AGFG2: variants seen among roughly 807,000 people sequenced by gnomAD.
The protein encoded by AGFG2 is ArfGAP with FG repeats 2, also known as arf-GAP domain and FG repeat-containing protein 2.
A neutral mutation model predicts 48.0 loss-of-function variants in AGFG2; 31 were observed. The ratio of observed to expected loss-of-function variants is 0.65; its 90% confidence interval spans 0.49 to 0.87. AGFG2 has a LOEUF of 0.87. Among genes scored for constraint, AGFG2 ranks in the 40% least tolerant of loss-of-function variants. The probability of loss-of-function intolerance (pLI) is 0.00; values close to 1 mark genes in which losing one functional copy is unlikely to be tolerated. For missense variants in AGFG2, 599 were observed against 632.6 expected (o/e 0.95, Z 0.57); for synonymous variants, 229 against 260.8 (o/e 0.88, Z 1.18).
intron 6 of AGFG2, chr7:100,556,639 C>A: frequency 7.8e-7 from 1 of 1,288,950 alleles, no homozygotes; most frequent in Non-Finnish European, 1.0e-6. Flanking sequence ...AAGTTATTAT[C>A]CCCACCCCAG....
intron 3 of AGFG2, among the ~76,000 whole-genome samples, chr7:100,550,750 G>A (rs1347465766): frequency 6.6e-6 from 1 of 152,002 alleles, no homozygotes; most frequent in Non-Finnish European, 1.5e-5. Flanking sequence ...GATTGGAGTC[G>A]GGAGGTAGGC....
intron 1 of AGFG2, among the ~76,000 whole-genome samples, chr7:100,541,532 G>A (rs1217544010): frequency 3.3e-5 from 5 of 152,088 alleles, no homozygotes; most frequent in Admixed American, 3.3e-4. Context: ...AGGCCAAGGT[G>A]AGCAGATCAC....
In AGFG2 at chr7:100,539,245, C is replaced by T. The variant is rs1031856640; in HGVS notation, c.-102C>T. On this transcript the variant is annotated 5_prime_UTR_variant, in exon 1 of 12. Transcript: ENST00000300176. ...CCTGCGGATGCCGCCCGCTCCCGAG[C>T]TTCTGTCAGGGGAGCCGGGCGTGCG... is the stretch of plus-strand genomic sequence containing the variant. 2.5e-6 allele frequency: 3 copies of T among 1,178,842 alleles called. No homozygotes were observed. The highest frequency in any genetic ancestry group is 3.2e-6 in the Non-Finnish European group (3 of 927,614). The allele number at this position is 1,178,842 out of a possible 1,614,324, so 73.0% of individuals were successfully genotyped here.
chr7:100,544,581 C>A (rs1211908578), intron 1 of AGFG2, among the ~76,000 whole-genome samples: 2 of 152,122 alleles, frequency 1.3e-5, no homozygotes, highest in Non-Finnish European at 2.9e-5. Context: ...CCTCTGTCAC[C>A]TTTCATGTTG....
Position 100,565,059 on chromosome 7 carries a change from C to T in AGFG2, c.*68C>T. 1 of 1,528,866 alleles carries T rather than the reference C, an allele frequency of 6.5e-7. No homozygotes were observed. 94.7% of individuals were successfully genotyped at this position (1,528,866 alleles called of 1,614,324 possible). A position where few individuals can be genotyped will look rare whatever the true frequency, so the allele number is the denominator to read the frequency against. ...CTCTGCTCCCTAGAGCTCTGGTGACCACTTGCCTGTGGGCATTTCTATGGG... is the reference window on the plus strand; with the variant it reads ...CTCTGCTCCCTAGAGCTCTGGTGACTACTTGCCTGTGGGCATTTCTATGGG... On this transcript the variant is annotated 3_prime_UTR_variant, in exon 12 of 12. Transcript: ENST00000300176.
At chr7:100,540,160 T>A (rs1188443703) in intron 1 of AGFG2, among the ~76,000 whole-genome samples, 1 of 150,176 alleles carries the variant, frequency 6.7e-6, no homozygotes, top group African/African-American at 2.5e-5. Context: ...ATTGACAGCC[T>A]AGAGATAGTG....
chr7:100,556,216 G>C, intron 6 of AGFG2: 2 of 193,084 alleles, frequency 1.0e-5, no homozygotes, highest in Admixed American at 5.5e-5. Context: ...TTGGGAGGCC[G>C]AGGTGGGAGG....
chr7:100,543,694 T>C (rs946352449), intron 1 of AGFG2, among the ~76,000 whole-genome samples: 4 of 152,230 alleles, frequency 2.6e-5, no homozygotes, highest in Non-Finnish European at 5.9e-5. Flanking sequence ...CATCCCTGCA[T>C]GTATGAACTC....
intron 1 of AGFG2, among the ~76,000 whole-genome samples, chr7:100,541,010 CAAAAA>C (rs11353093): frequency 1.3e-5 from 1 of 75,562 alleles, no homozygotes. Context: ...GACACTGTCT[CAAAAA>C]AAAAAAAAAA....
At chr7:100,561,819 C>T (rs1166386063) in intron 6 of AGFG2, among the ~76,000 whole-genome samples, 1 of 152,184 alleles carries the variant, frequency 6.6e-6, no homozygotes, top group Admixed American at 6.5e-5. Context: ...CCAGGAGCCT[C>T]CTGAGTGTGA....
intron 6 of AGFG2, among the ~76,000 whole-genome samples, chr7:100,561,009 C>T (rs1283628023): frequency 1.7e-4 from 24 of 142,220 alleles, no homozygotes; most frequent in Non-Finnish European, 2.1e-4. Context: ...TTAGTAGAGA[C>T]GGGGTTTCAC....
chr7:100,555,430 C>T (rs549395723), intron 5 of AGFG2, among the ~76,000 whole-genome samples, 180 bp from the exon 6 acceptor site: 4 of 151,846 alleles, frequency 2.6e-5, no homozygotes, highest in East Asian at 1.9e-4. Context: ...TGTACCACCA[C>T]GCCCAGCTAA....
At position 100,564,396 on chromosome 7, in the gene AGFG2, T is replaced by C. The variant is rs545799421; in HGVS notation, c.1386+93T>C. On this transcript the variant is annotated intron_variant, in intron 11 of 11. Coordinates refer to ENST00000300176, the MANE Select transcript of AGFG2 (RefSeq NM_006076.5). Reference sequence around the variant, plus strand: ...AGAGGCTGATGTGAGGTGGCCCCTGTGCCCCTTCCTCGTGAAGGTCTGCGT... The same window carrying C: ...AGAGGCTGATGTGAGGTGGCCCCTGCGCCCCTTCCTCGTGAAGGTCTGCGT... 1.5e-3 allele frequency: 1,990 copies of C among 1,333,030 alleles called. 35 individuals carry two copies. In the South Asian group the frequency reaches 0.025, roughly 16 times the overall value. The allele number at this position is 1,333,030 out of a possible 1,614,324, so 82.6% of individuals were successfully genotyped here.
At position 100,553,516 on chromosome 7, in the gene AGFG2, G is replaced by T. The variant is rs1800692652; in HGVS notation, c.585+16G>T. The stretch of plus-strand genomic sequence containing the variant: ...CTCGAGCCAGGTAACTCTCAGATCT[G>T]CTCGTCATGTTTCTTTTGAGATTTG... On this transcript the variant is annotated intron_variant, in intron 4 of 11. Transcript: ENST00000300176. 1.3e-6 allele frequency: 2 copies of T among 1,579,492 alleles called. No homozygotes were observed. Among genetic ancestry groups the T allele is most frequent in the Non-Finnish European group, 1.7e-6 (2 of 1,159,668 alleles).
intron 10 of AGFG2, 93 bp downstream of exon 10, chr7:100,564,055 A>G: frequency 6.4e-7 from 1 of 1,572,336 alleles, no homozygotes; most frequent in Non-Finnish European, 8.6e-7. Flanking sequence ...GAGCCCATGC[A>G]GTGCCCTTTC....
Position 100,556,003 on chromosome 7 carries a change from A to G in AGFG2, c.877+268A>G, listed in dbSNP as rs1259965363. 1.4e-5 allele frequency: 5 copies of G among 346,278 alleles called. No homozygotes were observed. In the Admixed American group the frequency reaches 1.9e-4, roughly 13 times the overall value. The allele number at this position is 346,278 out of a possible 1,614,324, so 21.5% of individuals were successfully genotyped here. A position where few individuals can be genotyped will look rare whatever the true frequency, so the allele number is the denominator to read the frequency against. On this transcript the variant is annotated intron_variant, in intron 6 of 11. Coordinates refer to ENST00000300176, the MANE Select transcript of AGFG2 (RefSeq NM_006076.5). ...TACACTAGGAAACTTTTCACTAGGA[A>G]GTATGGAAGACCTGAGTCCTAGAAA...
intron 1 of AGFG2, among the ~76,000 whole-genome samples, chr7:100,542,795 G>T (rs1800445987): frequency 6.6e-6 from 1 of 152,190 alleles, no homozygotes; most frequent in Non-Finnish European, 1.5e-5. Flanking sequence ...TTGGTGGGAA[G>T]TGAAAATTGT....
At chr7:100,548,321 G>A (rs116084213) in intron 1 of AGFG2, among the ~76,000 whole-genome samples, 1 of 151,670 alleles carries the variant, frequency 6.6e-6, no homozygotes, top group South Asian at 2.1e-4. Context: ...TTGGAGGGGG[G>A]TGGTGGGAGT....
In AGFG2 at chr7:100,554,235, T is replaced by C; in HGVS notation, c.728T>C (p.Phe243Ser). 2 of 1,613,752 alleles carry C rather than the reference T, an allele frequency of 1.2e-6. No homozygotes were observed. The highest frequency in any genetic ancestry group is 1.7e-6 in the Non-Finnish European group (2 of 1,179,772). Residue 243 changes from phenylalanine (F) to serine (S), a missense_variant, in exon 5 of 12, where the codon TTT becomes TCT. By Grantham distance (155) the Phe-to-Ser change is radical. Coordinates refer to ENST00000300176, the MANE Select transcript of AGFG2 (RefSeq NM_006076.5). ...PFAAPQMAPA[F>S]AAFPAFGGQT... ...GCTGCACCCCAGATGGCACCAGCTT[T>C]TGCTGCATTCCCTGCCTTTGGGGGT...
Sources: gnomAD v4.1 joint callset for allele counts (sites outside exome capture counted in the v4.1 genomes callset) on GRCh38, gnomAD v4.1.1 for gene constraint, MANE v1.5 for transcripts, NCBI Gene and HGNC (gene_info 2026-07-23, HGNC 2026-07-21) for gene names.